Variants in CSTL1 observed in about 807,000 individuals in gnomAD.
CSTL1 encodes cystatin-like 1.
CSTL1 carries 14 observed loss-of-function variants against 14.4 expected under a neutral mutation model. The ratio of observed to expected loss-of-function variants is 0.97; its 90% CI spans 0.64 to 1.52. The LOEUF (loss-of-function observed/expected upper bound fraction) is 1.52. Ranked by LOEUF, CSTL1 falls within the 40% of genes most tolerant of loss-of-function variation. The pLI is 0.00. For missense variants in CSTL1, 170 were observed against 168.7 expected (o/e 1.01, Z -0.04); for synonymous variants, 72 against 67.5 (o/e 1.07, Z -0.33).
At chr20:23,445,045 T>C (rs1466806540), downstream of CSTL1, 8 of 645,520 alleles carry the variant, frequency 1.2e-5, no homozygotes, top group Non-Finnish European at 2.3e-5. Flanking sequence ...ACAATGCTCA[T>C]ACTCACGACA....
In CSTL1 at chr20:23,440,387, C is replaced by T; in HGVS notation, c.120C>T (p.Asn40=). Residue 40 remains asparagine, a synonymous_variant, in exon 2 of 4, where the codon AAC becomes AAT. Coordinates refer to ENST00000347397, the MANE Select transcript of CSTL1 (RefSeq NM_138283.1). The part of the protein sequence containing the change: ...GFQQKLMSKK[N]MNSTLNFFIQ... ...AGCAGAAGCTCATGAGCAAGAAGAACATGAATTCAACACTCAACTTCTTCA... is the reference window on the plus strand; with the variant it reads ...AGCAGAAGCTCATGAGCAAGAAGAATATGAATTCAACACTCAACTTCTTCA... 1 of 1,614,200 alleles carries T rather than the reference C, an allele frequency of 6.2e-7. No homozygotes were observed.
downstream of CSTL1, among the ~76,000 whole-genome samples, chr20:23,447,373 C>T (rs775892513): frequency 7.2e-5 from 11 of 151,936 alleles, no homozygotes; most frequent in South Asian, 2.1e-4. Context: ...ACTTTTGGGT[C>T]GTTTTCAGCT....
At chr20:23,450,238 A>C in the CSTL1 span, among the ~76,000 whole-genome samples, 1 of 152,196 alleles carries the variant, frequency 6.6e-6, no homozygotes, top group Non-Finnish European at 1.5e-5. Flanking sequence ...TATGAGAATG[A>C]AATTGAAGTT....
chr20:23,456,798 C>G, the CSTL1 span, among the ~76,000 whole-genome samples: 1 of 152,190 alleles, frequency 6.6e-6, no homozygotes, highest in Admixed American at 6.5e-5. Flanking sequence ...TGCTTGGCTT[C>G]TGGCCCCTTC....
chr20:23,440,145 C>T lies in CSTL1; in HGVS notation c.-123C>T, dbSNP rs1986790244. 7 of 903,792 alleles carry T rather than the reference C, an allele frequency of 7.7e-6. No homozygotes were observed. The highest frequency in any genetic ancestry group is 1.2e-5 in the Non-Finnish European group (7 of 578,400). The allele number at this position is 903,792 out of a possible 1,614,324, so 56.0% of individuals were successfully genotyped here. On this transcript the variant is annotated splice_region_variant and 5_prime_UTR_variant, in exon 2 of 4. Transcript: ENST00000347397. ...GTCTGAATCTCTGTTTAAATGCAGG[C>T]AGGCCATCCCCCAGGAAAGCCTATG...
the CSTL1 span, among the ~76,000 whole-genome samples, chr20:23,450,167 T>A: frequency 6.6e-6 from 1 of 152,178 alleles, no homozygotes; most frequent in African/African-American, 2.4e-5. Context: ...CCTCTCCTTA[T>A]TCTGCTTCTC....
At chr20:23,454,651 T>C in the CSTL1 span, among the ~76,000 whole-genome samples, 1 of 152,116 alleles carries the variant, frequency 6.6e-6, no homozygotes, top group East Asian at 1.9e-4. Context: ...CCTCAATTTG[T>C]CTGGTGGCAC....
chr20:23,451,237 G>A, the CSTL1 span, among the ~76,000 whole-genome samples: 1 of 152,172 alleles, frequency 6.6e-6, no homozygotes, highest in East Asian at 1.9e-4. Context: ...ATCTCCCACA[G>A]ATGGGCCAGT....
chr20:23,458,111 CA>C, the CSTL1 span, among the ~76,000 whole-genome samples: 6 of 151,188 alleles, frequency 4.0e-5, no homozygotes, highest in Middle Eastern at 3.4e-3. Context: ...GTTTATATTC[CA>C]AAAAAAAATC....
chr20:23,459,303 T>A, the CSTL1 span: 1 of 152,318 alleles, frequency 6.6e-6, no homozygotes, highest in South Asian at 2.1e-4. Flanking sequence ...GCTCCACCAT[T>A]GACCAGCTGG....
intron 2 of CSTL1, chr20:23,442,583 A>G (rs528129001): frequency 8.5e-5 from 13 of 152,388 alleles, no homozygotes; most frequent in African/African-American, 2.9e-4. Context: ...GCATGCTGAA[A>G]GTCAGTGTGA....
chr20:23,442,849 C>G (rs575674292), intron 2 of CSTL1, among the ~76,000 whole-genome samples: 1 of 152,318 alleles, frequency 6.6e-6, no homozygotes, highest in East Asian at 1.9e-4. Context: ...TCTCCTGCAC[C>G]GGTGAAGATC....
At chr20:23,447,517 G>T (rs1040270634), downstream of CSTL1, among the ~76,000 whole-genome samples, 1 of 147,628 alleles carries the variant, frequency 6.8e-6, no homozygotes, top group East Asian at 2.0e-4. Flanking sequence ...TGCCCAGGCC[G>T]CAGTGCAGTG....
the CSTL1 span, among the ~76,000 whole-genome samples, chr20:23,450,953 C>T: frequency 2.6e-5 from 4 of 151,988 alleles, no homozygotes; most frequent in South Asian, 8.3e-4. Flanking sequence ...TTCTTCCAAC[C>T]ATCTATTTAT....
chr20:23,444,151 G>T (rs1380049724), intron 3 of CSTL1, 107 bp downstream of exon 3: 2 of 938,064 alleles, frequency 2.1e-6, no homozygotes, highest in Non-Finnish European at 3.3e-6. Context: ...GCCAGCTGGG[G>T]CCCAGCCCTG....
Position 23,440,251 on chromosome 20 carries a change from T to C in CSTL1, c.-17T>C. Reference sequence around the variant, plus strand: ...CTGGAAGGTGCAGTTGGGAAGAAAGTTTCTGAGGCTGTAGACATGGGGATC... The same window carrying C: ...CTGGAAGGTGCAGTTGGGAAGAAAGCTTCTGAGGCTGTAGACATGGGGATC... On this transcript the variant is annotated 5_prime_UTR_variant, in exon 2 of 4. Coordinates refer to ENST00000347397, the MANE Select transcript of CSTL1 (RefSeq NM_138283.1). 2 of 1,613,342 alleles carry C rather than the reference T, an allele frequency of 1.2e-6. No individual in the cohort carries two copies. The highest frequency in any genetic ancestry group is 1.7e-6 in the Non-Finnish European group (2 of 1,179,864).
chr20:23,441,655 GT>G (rs1776547948), intron 2 of CSTL1, among the ~76,000 whole-genome samples: 1 of 152,164 alleles, frequency 6.6e-6, no homozygotes, highest in African/African-American at 2.4e-5. Context: ...ATACTGTACT[GT>G]TTAGGGAATA....
chr20:23,446,339 T>G (rs1441871356), downstream of CSTL1, among the ~76,000 whole-genome samples: 1 of 152,080 alleles, frequency 6.6e-6, no homozygotes, highest in Non-Finnish European at 1.5e-5. Flanking sequence ...CACTGCAGTC[T>G]CCGCCTCCCA....
intron 1 of CSTL1, 123 bp from the exon 2 acceptor site, chr20:23,440,021 G>T (rs533876169): frequency 1.5e-5 from 8 of 522,968 alleles, no homozygotes; most frequent in African/African-American, 1.3e-4. Flanking sequence ...GCCTTAGCAG[G>T]TGTTTAAAAA....
Sources: gnomAD v4.1 joint callset for allele counts (sites outside exome capture counted in the v4.1 genomes callset) on GRCh38, gnomAD v4.1.1 for gene constraint, MANE v1.5 for transcripts, NCBI Gene and HGNC (gene_info 2026-07-23, HGNC 2026-07-21) for gene names.